NTNG1: variants seen among roughly 807,000 people sequenced by gnomAD.
NTNG1 encodes the protein netrin G1.
In NTNG1, 16 loss-of-function variants were observed where a neutral mutation model predicts 54.0. The ratio of observed to expected loss-of-function variants is 0.30; its 90% CI spans 0.20 to 0.45. The LOEUF (loss-of-function observed/expected upper bound fraction) is 0.45. NTNG1 is among the 20% of genes least tolerant of loss of function. The pLI is 1.00. For synonymous variants in NTNG1, 255 were observed against 263.1 expected (o/e 0.97, Z 0.30); for missense variants, 530 against 678.7 (o/e 0.78, Z 2.43).
At chr1:107,236,368 A>G (rs2101557060) in intron 2 of NTNG1, among the ~76,000 whole-genome samples, 1 of 152,296 alleles carries the variant, frequency 6.6e-6, no homozygotes, top group Non-Finnish European at 1.5e-5. Flanking sequence ...ATAAGTCAGA[A>G]AACAGGCAGG....
chr1:107,319,645 T>C (rs1667532085), intron 2 of NTNG1, among the ~76,000 whole-genome samples: 1 of 152,116 alleles, frequency 6.6e-6, no homozygotes, highest in African/African-American at 2.4e-5. Flanking sequence ...TGTCATTCTT[T>C]TTTCATGATT....
At chr1:107,337,858 T>C (rs943587161) in intron 3 of NTNG1, among the ~76,000 whole-genome samples, 1 of 152,004 alleles carries the variant, frequency 6.6e-6, no homozygotes, top group Non-Finnish European at 1.5e-5. Context: ...GGAAATAGGA[T>C]GTGAAGCAAC....
At chr1:107,207,826 T>C (rs1374077625) in intron 2 of NTNG1, among the ~76,000 whole-genome samples, 4 of 152,182 alleles carry the variant, frequency 2.6e-5, no homozygotes, top group Non-Finnish European at 5.9e-5. Context: ...TCTGGCCTAA[T>C]GCACTTTCCC....
intron 4 of NTNG1, among the ~76,000 whole-genome samples, chr1:107,400,212 T>C (rs1016499051): frequency 2.0e-5 from 3 of 152,162 alleles, no homozygotes; most frequent in Non-Finnish European, 4.4e-5. Context: ...TGCTCATTTT[T>C]CAAGACTGCT....
chr1:107,192,807 A>T (rs1658060287), intron 2 of NTNG1, among the ~76,000 whole-genome samples: 1 of 152,016 alleles, frequency 6.6e-6, no homozygotes, highest in African/African-American at 2.4e-5. Context: ...ATTTGATTCT[A>T]ATGTTTATTT....
At chr1:107,253,584 G>T (rs535194832) in intron 2 of NTNG1, among the ~76,000 whole-genome samples, 1 of 152,154 alleles carries the variant, frequency 6.6e-6, no homozygotes, top group Non-Finnish European at 1.5e-5. Flanking sequence ...GTTGGGGCAT[G>T]TATAATTAAG....
At chr1:107,236,521 G>T (rs1661425780) in intron 2 of NTNG1, among the ~76,000 whole-genome samples, 1 of 152,166 alleles carries the variant, frequency 6.6e-6, no homozygotes. Flanking sequence ...AGTGTGGTCA[G>T]AATAGAAAAG....
intron 2 of NTNG1, among the ~76,000 whole-genome samples, chr1:107,312,824 A>G (rs535938156): frequency 6.6e-5 from 10 of 152,208 alleles, no homozygotes; most frequent in South Asian, 2.1e-4. Context: ...ACTTTTTTAT[A>G]TGAAAATCTT....
At position 107,482,054 on chromosome 1, in the gene NTNG1, G is replaced by GAAAAAAAAA. The variant is rs1261871821; in HGVS notation, c.*1214_*1215insAAAAAAAAA. 8.0e-5 allele frequency: 1 copy of GAAAAAAAAA among 12,440 alleles called. No individual in the cohort carries two copies. Among genetic ancestry groups the GAAAAAAAAA allele is most frequent in the Non-Finnish European group, 1.6e-4 (1 of 6,094 alleles). 0.8% of individuals were successfully genotyped at this position (12,440 alleles called of 1,614,324 possible). Reference sequence around the variant, plus strand: ...TTTCCACTTGGGAAAAATTACAACAGCAAAAAAAAAAAAAAAAAAAAAAAA... The same window carrying GAAAAAAAAA: ...TTTCCACTTGGGAAAAATTACAACAGAAAAAAAAACAAAAAAAAAAAAAAAAAAAAAAAA... On this transcript the variant is annotated 3_prime_UTR_variant, in exon 8 of 8. Transcript: ENST00000370068.
At chr1:107,260,149 T>C (rs970482533) in intron 2 of NTNG1, among the ~76,000 whole-genome samples, 1 of 152,234 alleles carries the variant, frequency 6.6e-6, no homozygotes, top group African/African-American at 2.4e-5. Flanking sequence ...AAAATACTCA[T>C]TTGATCCTCT....
intron 2 of NTNG1, among the ~76,000 whole-genome samples, chr1:107,286,590 C>A (rs1484896410): frequency 6.6e-6 from 1 of 152,108 alleles, no homozygotes; most frequent in East Asian, 1.9e-4. Flanking sequence ...GTTATAGCTA[C>A]ACATTTAGAG....
At chr1:107,289,415 T>C (rs1665435581) in intron 2 of NTNG1, among the ~76,000 whole-genome samples, 1 of 152,192 alleles carries the variant, frequency 6.6e-6, no homozygotes, top group African/African-American at 2.4e-5. Context: ...AAATTGATGT[T>C]AATTTCAAAG....
chr1:107,276,256 CATTT>C (rs1664465748), intron 2 of NTNG1, among the ~76,000 whole-genome samples: 1 of 152,100 alleles, frequency 6.6e-6, no homozygotes, highest in Middle Eastern at 3.2e-3. Context: ...TACATGCAGA[CATTT>C]ATTTACTAGA....
intron 2 of NTNG1, among the ~76,000 whole-genome samples, chr1:107,185,810 T>C (rs1657416096): frequency 6.6e-6 from 1 of 152,106 alleles, no homozygotes; most frequent in African/African-American, 2.4e-5. Flanking sequence ...AGTGGCATTG[T>C]GTTCATTTTT....
intron 2 of NTNG1, among the ~76,000 whole-genome samples, chr1:107,311,144 G>A (rs562428219): frequency 6.6e-6 from 1 of 152,016 alleles, no homozygotes. Context: ...GACTTTTCCC[G>A]ACTGAGACAC....
intron 2 of NTNG1, among the ~76,000 whole-genome samples, chr1:107,249,046 C>T (rs1662391585): frequency 6.6e-6 from 1 of 150,758 alleles, no homozygotes; most frequent in South Asian, 2.1e-4. Context: ...GTAATCTCAG[C>T]TTCTTGGGAG....
chr1:107,253,888 A>C (rs1233287439), intron 2 of NTNG1, among the ~76,000 whole-genome samples: 1 of 152,228 alleles, frequency 6.6e-6, no homozygotes, highest in South Asian at 2.1e-4. Context: ...AACTATGACA[A>C]CTATGAAACA....
At chr1:107,256,769 A>G (rs1662962472) in intron 2 of NTNG1, among the ~76,000 whole-genome samples, 1 of 152,210 alleles carries the variant, frequency 6.6e-6, no homozygotes, top group South Asian at 2.1e-4. Flanking sequence ...GAAGCCATTC[A>G]TTTGGCATTT....
chr1:107,461,140 G>T (rs995003355), intron 7 of NTNG1, among the ~76,000 whole-genome samples: 28 of 152,200 alleles, frequency 1.8e-4, no homozygotes, highest in African/African-American at 5.8e-4. Flanking sequence ...ACTGTGTTAA[G>T]AAGACATACA....
Sources: gnomAD v4.1 joint callset for allele counts (sites outside exome capture counted in the v4.1 genomes callset) on GRCh38, gnomAD v4.1.1 for gene constraint, MANE v1.5 for transcripts, NCBI Gene and HGNC (gene_info 2026-07-23, HGNC 2026-07-21) for gene names.